STAU2: variants seen among roughly 807,000 people sequenced by gnomAD.
STAU2 encodes double-stranded RNA-binding protein Staufen homolog 2.
Under a neutral mutation model 65.9 loss-of-function variants are expected in STAU2, and 20 were observed. That is an observed-to-expected ratio of 0.30 (90% confidence interval 0.21 to 0.44). STAU2 has a LOEUF of 0.44. STAU2 is among the 20% of genes least tolerant of loss of function. The probability of loss-of-function intolerance (pLI) is 1.00; values close to 1 mark genes in which losing one functional copy is unlikely to be tolerated. For missense variants in STAU2, 558 were observed against 683.9 expected, an observed-to-expected ratio of 0.82 and a Z score of 2.05; for synonymous variants, 232 against 233.9, an observed-to-expected ratio of 0.99 and a Z score of 0.07.
rs143233081 is a variant in STAU2 at position 73,605,415 on chromosome 8, T to A, written c.892-1552A>T. Among the ~76,000 whole-genome samples, 427 of 151,442 alleles carry A rather than the reference T, an allele frequency of 2.8e-3. 3 individuals are homozygous for A. Among genetic ancestry groups the A allele is most frequent in the African/African-American group, 9.9e-3 (408 of 41,234 alleles). Reference sequence around the variant, plus strand: ...CCTCTGTATCCTGGGTTCAAGCGATTCTCTTGCCTAAGCTTCCTGAGTAGC... The same window carrying A: ...CCTCTGTATCCTGGGTTCAAGCGATACTCTTGCCTAAGCTTCCTGAGTAGC... On this transcript the variant is annotated intron_variant, in intron 9 of 14. Coordinates refer to ENST00000524300, the MANE Select transcript of STAU2 (RefSeq NM_001164380.2).
chr8:73,601,720 G>C (rs1811642472), intron 10 of STAU2, among the ~76,000 whole-genome samples: 1 of 152,140 alleles, frequency 6.6e-6, no homozygotes, highest in Non-Finnish European at 1.5e-5. Flanking sequence ...CATTTGACTA[G>C]AATGTTTATG....
chr8:73,573,510 G>A (rs6651323), intron 12 of STAU2, among the ~76,000 whole-genome samples: 118,965 of 151,982 alleles, frequency 0.78, 46,894 homozygotes, highest in Admixed American at 0.83. Context: ...CTATACTACC[G>A]AGCTACAGTA....
At chr8:73,634,598 G>T (rs921982870) in intron 6 of STAU2, among the ~76,000 whole-genome samples, 1 of 152,122 alleles carries the variant, frequency 6.6e-6, no homozygotes, top group Non-Finnish European at 1.5e-5. Context: ...CTTTACAATG[G>T]CCTACAAGGC....
chr8:73,485,429 A>G (rs1400333411), intron 13 of STAU2, among the ~76,000 whole-genome samples: 2 of 152,058 alleles, frequency 1.3e-5, no homozygotes, highest in Non-Finnish European at 2.9e-5. Flanking sequence ...TTTACAATCC[A>G]ATTACCAAGT....
chr8:73,694,514 T>TA (rs1194006986), intron 4 of STAU2, among the ~76,000 whole-genome samples: 1 of 152,064 alleles, frequency 6.6e-6, no homozygotes, highest in Admixed American at 6.6e-5. Context: ...CAGAAGAGGG[T>TA]AGAGTAAAAT....
chr8:73,574,628 A>G (rs1809372554), intron 12 of STAU2, among the ~76,000 whole-genome samples: 1 of 152,184 alleles, frequency 6.6e-6, no homozygotes, highest in South Asian at 2.1e-4. Flanking sequence ...AAAGCTGGAA[A>G]CCATCATTCT....
chr8:73,614,177 T>C (rs1812665885), intron 8 of STAU2, among the ~76,000 whole-genome samples: 1 of 152,194 alleles, frequency 6.6e-6, no homozygotes, highest in South Asian at 2.1e-4. Context: ...ATTTGATTCA[T>C]AGTCAAAATG....
chr8:73,602,743 A>AG (rs35280918), intron 10 of STAU2, among the ~76,000 whole-genome samples: 7 of 151,418 alleles, frequency 4.6e-5, no homozygotes, highest in Non-Finnish European at 1.0e-4. Flanking sequence ...AAAAAAAAAA[A>AG]CAAAAAATTA....
intron 6 of STAU2, among the ~76,000 whole-genome samples, chr8:73,662,587 G>C (rs991519697): frequency 7.0e-6 from 1 of 143,416 alleles, no homozygotes; most frequent in Non-Finnish European, 1.5e-5. Flanking sequence ...GTGAAGTCAA[G>C]GTTCAGGGGT....
chr8:73,505,813 G>C (rs1011624848), intron 13 of STAU2, among the ~76,000 whole-genome samples: 2 of 152,064 alleles, frequency 1.3e-5, no homozygotes. Flanking sequence ...CTGGAAGTGA[G>C]GCCTGGCAGG....
At chr8:73,596,735 G>T (rs952512083) in intron 10 of STAU2, among the ~76,000 whole-genome samples, 1 of 152,080 alleles carries the variant, frequency 6.6e-6, no homozygotes, top group Non-Finnish European at 1.5e-5. Context: ...TGTAGTCCCA[G>T]CTACTTGGGA....
intron 13 of STAU2, among the ~76,000 whole-genome samples, chr8:73,467,826 C>T (rs901907626): frequency 6.6e-6 from 1 of 152,178 alleles, no homozygotes; most frequent in African/African-American, 2.4e-5. Context: ...AATGGAAGAA[C>T]ATTCCATGCT....
At chr8:73,655,809 C>T (rs1382412154) in intron 6 of STAU2, among the ~76,000 whole-genome samples, 5 of 151,762 alleles carry the variant, frequency 3.3e-5, no homozygotes, top group Non-Finnish European at 5.9e-5. Context: ...CCACCACACC[C>T]GGCTAATTTT....
At chr8:73,422,518 T>C (rs1182863406) in intron 14 of STAU2, 96 bp downstream of exon 14, 18 of 903,676 alleles carry the variant, frequency 2.0e-5, no homozygotes, top group Non-Finnish European at 2.7e-5. Flanking sequence ...AAGATGTAGA[T>C]ACTATTGTCG....
intron 13 of STAU2, chr8:73,441,111 C>T (rs12542775): frequency 0.33 from 50,508 of 152,270 alleles, 9,729 homozygotes; most frequent in Non-Finnish European, 0.43. Context: ...TGAACCACCC[C>T]ACTCCTACCC....
intron 9 of STAU2, among the ~76,000 whole-genome samples, chr8:73,609,005 C>A (rs1812240946): frequency 6.6e-6 from 1 of 151,972 alleles, no homozygotes; most frequent in Non-Finnish European, 1.5e-5. Flanking sequence ...TTAAAAATGA[C>A]CCCCAGCAGT....
At chr8:73,733,998 A>C (rs1045055033) in intron 3 of STAU2, among the ~76,000 whole-genome samples, 3 of 152,188 alleles carry the variant, frequency 2.0e-5, no homozygotes, top group Non-Finnish European at 4.4e-5. Flanking sequence ...AAATCTGTCC[A>C]ACAATAAGGG....
intron 6 of STAU2, among the ~76,000 whole-genome samples, chr8:73,658,653 G>A (rs1816570267): frequency 6.6e-6 from 1 of 152,126 alleles, no homozygotes; most frequent in Admixed American, 6.5e-5. Flanking sequence ...GGTGGCTCAT[G>A]CCTGTAATCC....
At chr8:73,697,789 T>C (rs1182461902) in intron 4 of STAU2, among the ~76,000 whole-genome samples, 1 of 152,178 alleles carries the variant, frequency 6.6e-6, no homozygotes, top group African/African-American at 2.4e-5. Context: ...GTTATAAGTA[T>C]TAGTATTTGC....
Sources: gnomAD v4.1 joint callset for allele counts (sites outside exome capture counted in the v4.1 genomes callset) on GRCh38, gnomAD v4.1.1 for gene constraint, MANE v1.5 for transcripts, NCBI Gene and HGNC (gene_info 2026-07-23, HGNC 2026-07-21) for gene names.